PITPNM1: variants seen among roughly 807,000 people sequenced by gnomAD.
PITPNM1 encodes phosphatidylinositol transfer protein membrane associated 1.
Under a neutral mutation model 133.3 loss-of-function variants are expected in PITPNM1, and 74 were observed. That is an observed-to-expected ratio of 0.56 (90% confidence interval 0.46 to 0.67). The LOEUF is 0.67. PITPNM1 is among the 30% of genes least tolerant of loss of function. The probability of loss-of-function intolerance (pLI) is 0.00; values close to 1 mark genes in which losing one functional copy is unlikely to be tolerated. For synonymous variants in PITPNM1, 738 were observed against 741.4 expected (o/e 1.00, Z 0.08); for missense variants, 1,398 against 1,739.5 (o/e 0.80, Z 3.49).
In PITPNM1 at chr11:67,505,048, G is replaced by A. The variant is rs529477263; in HGVS notation, c.-42+140C>T. 1.4e-4 allele frequency: 22 copies of A among 152,866 alleles called. No homozygotes were observed. The South Asian group carries it at 4.5e-3, about 31-fold the overall frequency. 9.5% of individuals were successfully genotyped at this position (152,866 alleles called of 1,614,324 possible). ...ACCTGCGCCCCAGACTGGCACCGAG[G>A]TTCCGCTGCAGGCACCCCTCCATCC... is the stretch of plus-strand genomic sequence containing the variant. On this transcript the variant is annotated intron_variant, in intron 1 of 23. Coordinates refer to ENST00000356404, the MANE Select transcript of PITPNM1 (RefSeq NM_004910.3). The surrounding 1 kb of genome is among the most constrained non-coding windows in gnomAD (Gnocchi z 5.8).
chr11:67,498,244 C>T lies in PITPNM1; in HGVS notation c.1563G>A (p.Leu521=), dbSNP rs747393525. 2.5e-6 allele frequency: 4 copies of T among 1,611,840 alleles called. No individual in the cohort carries two copies. The highest frequency in any genetic ancestry group is 1.7e-5 in the Admixed American group (1 of 59,892). Residue 521 remains leucine (L), a synonymous_variant, in exon 11 of 24, where the codon CTG becomes CTA. Coordinates refer to ENST00000356404, the MANE Select transcript of PITPNM1 (RefSeq NM_004910.3). The surrounding 1 kb of genome is among the most constrained non-coding windows in gnomAD (Gnocchi z 5.7). ...DHIPLAALPL[L]ATSSSRYQGA... ...CCTGGTAGCGGGAGGATGAGGTGGC[C>T]AGCAGTGGCAGGGCAGCCAGTGGAA... is the stretch of plus-strand genomic sequence containing the variant.
Position 67,501,956 on chromosome 11 carries a change from C to G in PITPNM1, c.546G>C (p.Gln182His). The G allele has an allele frequency of 6.2e-7, 1 of 1,613,552 alleles. No individual in the cohort carries two copies. The highest frequency in any genetic ancestry group is 1.1e-5 in the South Asian group (1 of 91,088). The part of the protein sequence containing the change: ...LSDDWARTAA[Q>H]TGPLMCAYKL... ...TATAGGCACACATAAGGGGCCCCGT[C>G]TGTGCCGCCGTCCGTGCCCAGTCAT... Residue 182 changes from glutamine (Q) to histidine (H), a missense_variant, in exon 5 of 24, where the codon CAG becomes CAC. Around this residue, in one of 5 missense-constraint regions of PITPNM1, gnomAD observed 274 missense variants for 360.7 expected, o/e 0.76. Coordinates refer to ENST00000356404, the MANE Select transcript of PITPNM1 (RefSeq NM_004910.3).
At chr11:67,493,122 G>A in intron 22 of PITPNM1, 60 bp from the exon 23 acceptor site, 1 of 1,596,964 alleles carries the variant, frequency 6.3e-7, no homozygotes, top group Non-Finnish European at 8.6e-7. Context: ...TGGGGGCGGG[G>A]CCTGTTGGGC....
rs746724094 is a variant in PITPNM1 at position 67,494,836 on chromosome 11, G to C, written c.2742+10C>G. The C allele has an allele frequency of 8.7e-6, 14 of 1,601,666 alleles. No homozygotes were observed. The highest frequency in any genetic ancestry group is 1.2e-5 in the Non-Finnish European group (14 of 1,170,390). On this transcript the variant is annotated intron_variant, in intron 18 of 23. Coordinates refer to ENST00000356404, the MANE Select transcript of PITPNM1 (RefSeq NM_004910.3). ...CGAGTGGGCGAGGGGGCGAGGGGCA[G>C]GGCACCTACCCGGATCTTGACCTGC...
rs547547391 is a variant in PITPNM1, at chr11:67,493,786, C to T, written c.3060G>A (p.Thr1020=). The change falls in exon 21 of 24, where the codon ACG becomes ACA. Residue 1020 remains threonine, a synonymous_variant. Coordinates refer to ENST00000356404, the MANE Select transcript of PITPNM1 (RefSeq NM_004910.3). ...CGTCGATGCTGAAGACCACAGCCTC[C>T]GTGCCGCGGGCCACCACAGTCAGGC... ...ECCLTVVARG[T]EAVVFSIDGS... 5.2e-6 allele frequency: 8 copies of T among 1,549,884 alleles called. No individual in the cohort carries two copies. The highest frequency in any genetic ancestry group is 3.9e-5 in the Admixed American group (2 of 51,154).
At chr11:67,500,595 G>T (rs904282702) in intron 5 of PITPNM1, among the ~76,000 whole-genome samples, 174 bp from the exon 6 acceptor site, 3 of 152,176 alleles carry the variant, frequency 2.0e-5, no homozygotes, top group African/African-American at 7.2e-5. Flanking sequence ...TGGGGCATTT[G>T]TCTTCCTGCC....
chr11:67,495,371 GGGCTTCGGA>G, intron 16 of PITPNM1, 58 bp downstream of exon 16: 1 of 1,456,008 alleles, frequency 6.9e-7, no homozygotes, highest in Non-Finnish European at 9.1e-7. Context: ...TTTCTCAGCT[GGGCTTCGGA>G]GGTGGAATAC....
Position 67,502,756 on chromosome 11 carries a change from C to A in PITPNM1, c.79-38G>T. The stretch of plus-strand genomic sequence containing the variant: ...GGAGAGCAGGACAGGGAGCTCAGCC[C>A]CAGCTTAGCATCTGGGATCCCCAGC... On this transcript the variant is annotated intron_variant, in intron 2 of 23. Coordinates refer to ENST00000356404, the MANE Select transcript of PITPNM1 (RefSeq NM_004910.3). This position sits in a 1 kb window ranked among gnomAD's most constrained non-coding sequence, Gnocchi z 5.9. The A allele has an allele frequency of 6.3e-7, 1 of 1,589,182 alleles. No homozygotes were observed.
intron 15 of PITPNM1, among the ~76,000 whole-genome samples, 188 bp from the exon 16 acceptor site, chr11:67,495,790 A>G (rs1591056044): frequency 6.6e-6 from 1 of 152,134 alleles, no homozygotes. Flanking sequence ...GCCTGTTGCC[A>G]CCGCCCCAAA....
At chr11:67,494,768 G>C in intron 18 of PITPNM1, 78 bp downstream of exon 18, 1 of 867,768 alleles carries the variant, frequency 1.2e-6, no homozygotes, top group Non-Finnish European at 1.9e-6. Context: ...GGGGGGTGCT[G>C]GGGGGAGGGG....
In PITPNM1 at chr11:67,493,490, C is replaced by T. The variant is rs748147952; in HGVS notation, c.3262G>A (p.Gly1088Ser). ...AWLSQHNFPH[G>S]VVSFCDGLTH... ...AGGCCGTCGCAGAAGGAGACGACGC[C>T]GTGGGGGAAGTTGTGCTGCGACAGC... Residue 1088 changes from glycine to serine, a missense_variant, in exon 22 of 24, where the codon GGC becomes AGC. This residue lies in a region of PITPNM1 where 233 missense variants were observed against 378.0 expected (regional missense o/e 0.62). Coordinates refer to ENST00000356404, the MANE Select transcript of PITPNM1 (RefSeq NM_004910.3). 1 of 1,602,446 alleles carries T rather than the reference C, an allele frequency of 6.2e-7. No individual in the cohort carries two copies. The highest frequency in any genetic ancestry group is 8.5e-7 in the Non-Finnish European group (1 of 1,175,192).
intron 19 of PITPNM1, 42 bp from the exon 20 acceptor site, chr11:67,494,112 T>A: frequency 6.3e-7 from 1 of 1,585,992 alleles, no homozygotes; most frequent in Non-Finnish European, 8.6e-7. Context: ...GGGCCCTGCG[T>A]GGAGGTGGGC....
In PITPNM1 at chr11:67,496,316, A is replaced by T. The variant is rs1404244704; in HGVS notation, c.2179T>A (p.Tyr727Asn). ...AQMRPACEQI[Y>N]NLFHAADPCA... is the part of the protein sequence containing the mutation. ...GGGTCAGCCGCGTGGAAGAGGTTGT[A>T]GATCTGTTCACAGGCTGGGCGCATC... The change falls in exon 15 of 24, where the codon TAC (tyrosine) becomes AAC (asparagine). Residue 727 changes from tyrosine (Y) to asparagine (N), a missense_variant. Physicochemically the swap from Tyr to Asn is moderately radical, Grantham distance 143. Transcript: ENST00000356404. 1 of 1,584,616 alleles carries T rather than the reference A, an allele frequency of 6.3e-7. No individual in the cohort carries two copies. The highest frequency in any genetic ancestry group is 8.5e-7 in the Non-Finnish European group (1 of 1,169,728).
In PITPNM1 at chr11:67,495,141, A is replaced by T; in HGVS notation, c.2567T>A (p.Leu856Gln). The change falls in exon 17 of 24, where the codon CTG becomes CAG. Residue 856 changes from leucine to glutamine, a missense_variant. Transcript: ENST00000356404. ...GTAGCTGGCGTGGAAGAGGTGGGGC[A>T]GCGTGACGGTGGGAAAGGCGGTGAG... Reference protein sequence around the residue: ...EALTAFPTVTLPHLFHASYWE... With the variant: ...EALTAFPTVTQPHLFHASYWE... The T allele has an allele frequency of 6.2e-7, 1 of 1,612,620 alleles. No homozygotes were observed. Among genetic ancestry groups the T allele is most frequent in the Non-Finnish European group, 8.5e-7 (1 of 1,179,882 alleles).
rs1866425463 is a variant in PITPNM1 at position 67,504,314 on chromosome 11, C to T, written c.-41-93G>A. ...GCCGAGGGACTCAGGCCACGGGACCCCATGTCCGGGCCCGCCACGAGGGAG... is the reference window on the plus strand; with the variant it reads ...GCCGAGGGACTCAGGCCACGGGACCTCATGTCCGGGCCCGCCACGAGGGAG... On this transcript the variant is annotated intron_variant, in intron 1 of 23. Coordinates refer to ENST00000356404, the MANE Select transcript of PITPNM1 (RefSeq NM_004910.3). This position sits in a 1 kb window ranked among gnomAD's most constrained non-coding sequence, Gnocchi z 5.4. 4.9e-6 allele frequency: 2 copies of T among 404,304 alleles called. No homozygotes were observed. Among genetic ancestry groups the T allele is most frequent in the Non-Finnish European group, 8.1e-6 (2 of 245,632 alleles). 25.0% of individuals were successfully genotyped at this position (404,304 alleles called of 1,614,324 possible). A position where few individuals can be genotyped will look rare whatever the true frequency, so the allele number is the denominator to read the frequency against.
chr11:67,502,323 C>G lies in PITPNM1; in HGVS notation c.384G>C (p.Leu128=). 1 of 1,613,594 alleles carries G rather than the reference C, an allele frequency of 6.2e-7. No individual in the cohort carries two copies. The highest frequency in any genetic ancestry group is 1.3e-5 in the African/African-American group (1 of 75,056). Residue 128 remains leucine, a synonymous_variant, in exon 4 of 24, where the codon CTG becomes CTC. Coordinates refer to ENST00000356404, the MANE Select transcript of PITPNM1 (RefSeq NM_004910.3). The surrounding 1 kb of genome is among the most constrained non-coding windows in gnomAD (Gnocchi z 5.9). ...TGCGCTGTCTCCTCTCGGCCCCGCTCAGGTTGAAGACGTTTGGCTGCTGCC... is the reference window on the plus strand; with the variant it reads ...TGCGCTGTCTCCTCTCGGCCCCGCTGAGGTTGAAGACGTTTGGCTGCTGCC... ...DGGQQPNVFN[L]SGAERRQRIL...
Position 67,491,990 on chromosome 11 carries a change from T to C in PITPNM1, c.*43A>G, listed in dbSNP as rs1488503227. On this transcript the variant is annotated 3_prime_UTR_variant, in exon 24 of 24. Coordinates refer to ENST00000356404, the MANE Select transcript of PITPNM1 (RefSeq NM_004910.3). Reference sequence around the variant, plus strand: ...CCCACACGCAGCCCCTCGGGCCCCTTGGGTGTGTCAATAAATAACCCAGGT... The same window carrying C: ...CCCACACGCAGCCCCTCGGGCCCCTCGGGTGTGTCAATAAATAACCCAGGT... The C allele has an allele frequency of 6.3e-7, 1 of 1,593,552 alleles. No individual in the cohort carries two copies. The highest frequency in any genetic ancestry group is 8.6e-7 in the Non-Finnish European group (1 of 1,168,600).
chr11:67,494,793 T>TGAGTGGGTGA (rs1866054783), intron 18 of PITPNM1, 53 bp downstream of exon 18: 6 of 337,230 alleles, frequency 1.8e-5, no homozygotes, highest in African/African-American at 4.0e-5. Context: ...GCCTCTCTGG[T>TGAGTGGGTGA]GAGTGGGCGA....
In PITPNM1 at chr11:67,502,791, T is replaced by G; in HGVS notation, c.79-73A>C. The G allele has an allele frequency of 6.8e-7, 1 of 1,465,828 alleles. No homozygotes were observed. 90.8% of individuals were successfully genotyped at this position (1,465,828 alleles called of 1,614,324 possible). A position where few individuals can be genotyped will look rare whatever the true frequency, so the allele number is the denominator to read the frequency against. Reference sequence around the variant, plus strand: ...ATCTGGGATCCCCAGCTCAGCCTGGTGTTCTACACAGCTCTGGGGCCCTGG... The same window carrying G: ...ATCTGGGATCCCCAGCTCAGCCTGGGGTTCTACACAGCTCTGGGGCCCTGG... On this transcript the variant is annotated intron_variant, in intron 2 of 23. Transcript: ENST00000356404. The surrounding 1 kb of genome is among the most constrained non-coding windows in gnomAD (Gnocchi z 5.9).
Sources: gnomAD v4.1 joint callset for allele counts (sites outside exome capture counted in the v4.1 genomes callset) on GRCh38, gnomAD v4.1.1 for gene constraint, gnomAD v4.1.1 regional missense constraint, Gnocchi (gnomAD v3.1) non-coding constraint, MANE v1.5 for transcripts, NCBI Gene and HGNC (gene_info 2026-07-23, HGNC 2026-07-21) for gene names.